ACSL3: variants seen among roughly 807,000 people sequenced by gnomAD.
ACSL3 encodes fatty acid CoA ligase Acsl3.
ACSL3 carries 34 observed loss-of-function variants against 84.7 expected under a neutral mutation model. The ratio of observed to expected loss-of-function variants is 0.40; its 90% CI spans 0.31 to 0.53. The LOEUF is 0.53. ACSL3 is among the 20% of genes least tolerant of loss of function. The probability of loss-of-function intolerance (pLI) is 0.48; values close to 1 mark genes in which losing one functional copy is unlikely to be tolerated. For synonymous variants in ACSL3, 315 were observed against 299.4 expected (o/e 1.05, Z -0.54); for missense variants, 680 against 873.1 (o/e 0.78, Z 2.79).
At chr2:222,921,130 T>G in intron 7 of ACSL3, 150 bp from the exon 8 acceptor site, 1 of 848,094 alleles carries the variant, frequency 1.2e-6, no homozygotes, top group Non-Finnish European at 2.0e-6. Context: ...CTTGATCTGT[T>G]TTGTTGATCT....
At chr2:222,880,289 G>T (rs1188755003) in intron 1 of ACSL3, among the ~76,000 whole-genome samples, 1 of 151,860 alleles carries the variant, frequency 6.6e-6, no homozygotes, top group Non-Finnish European at 1.5e-5. Context: ...ATTTTCATTG[G>T]GATTGCATTT....
At chr2:222,905,404 G>T (rs1664717608) in intron 3 of ACSL3, among the ~76,000 whole-genome samples, 1 of 152,240 alleles carries the variant, frequency 6.6e-6, no homozygotes, top group East Asian at 1.9e-4. Context: ...CAAGCAATCC[G>T]CCTGCCTTGG....
At chr2:222,932,368 G>A (rs913047741) in intron 14 of ACSL3, among the ~76,000 whole-genome samples, 7 of 152,024 alleles carry the variant, frequency 4.6e-5, no homozygotes, top group Admixed American at 6.5e-5. Flanking sequence ...TTGCTCTGTC[G>A]CCCAGGCTGG....
chr2:222,923,212 G>C, intron 10 of ACSL3, 63 bp downstream of exon 10: 3 of 1,310,264 alleles, frequency 2.3e-6, no homozygotes, highest in East Asian at 4.6e-5. Context: ...CAAAGCATTA[G>C]TGCTAGTGAA....
rs556898971 is a variant in ACSL3 at position 222,913,339 on chromosome 2, T to C, written c.379-2980T>C. On this transcript the variant is annotated intron_variant, in intron 4 of 16. Transcript: ENST00000357430. ...TGTTTGTGTATGTGTATAAAACTTA[T>C]TTTCTGATTTATTAGGACATTTGCA... Among the ~76,000 whole-genome samples the C allele has an allele frequency of 2.0e-5, 3 of 152,358 alleles. No homozygotes were observed. In the East Asian group the frequency reaches 5.8e-4, roughly 29 times the overall value.
Position 222,930,608 on chromosome 2 carries a change from A to G in ACSL3, c.1541-13A>G. 6.4e-7 allele frequency: 1 copy of G among 1,567,036 alleles called. No homozygotes were observed. Among genetic ancestry groups the G allele is most frequent in the Non-Finnish European group, 8.6e-7 (1 of 1,156,666 alleles). On this transcript the variant is annotated splice_polypyrimidine_tract_variant and intron_variant, in intron 13 of 16. Coordinates refer to ENST00000357430, the MANE Select transcript of ACSL3 (RefSeq NM_004457.5). ...ATTTAACTCAACTATTAACTCAATT[A>G]TTATTTTATTAGGTGGATACTTTAA...
chr2:222,888,690 A>G (rs1460764791), intron 2 of ACSL3, among the ~76,000 whole-genome samples: 1 of 152,234 alleles, frequency 6.6e-6, no homozygotes, highest in Admixed American at 6.5e-5. Context: ...AGGAGCATCT[A>G]AGTAAACAGG....
chr2:222,940,248 C>T (rs993901878), intron 16 of ACSL3, among the ~76,000 whole-genome samples: 5 of 152,150 alleles, frequency 3.3e-5, no homozygotes, highest in Admixed American at 6.5e-5. Flanking sequence ...TATCCTGGTT[C>T]AATGACATAA....
intron 1 of ACSL3, among the ~76,000 whole-genome samples, chr2:222,876,053 A>G (rs1574519011): frequency 1.3e-5 from 2 of 152,358 alleles, no homozygotes; most frequent in East Asian, 3.9e-4. Context: ...ATGTATGTGC[A>G]AAGTGTTTTG....
intron 1 of ACSL3, among the ~76,000 whole-genome samples, chr2:222,887,278 C>G (rs1042605363): frequency 1.3e-5 from 2 of 152,166 alleles, no homozygotes; most frequent in African/African-American, 4.8e-5. Context: ...TCAACACTGA[C>G]TCATTTTCCA....
intron 15 of ACSL3, chr2:222,933,629 G>A: frequency 5.9e-6 from 1 of 170,592 alleles, no homozygotes; most frequent in Non-Finnish European, 1.3e-5. Flanking sequence ...GAGTAAAGAA[G>A]TGGCAGTGAG....
chr2:222,920,010 T>A (rs1290009065), intron 7 of ACSL3, among the ~76,000 whole-genome samples: 1 of 152,070 alleles, frequency 6.6e-6, no homozygotes, highest in Non-Finnish European at 1.5e-5. Context: ...TACTAAGGAC[T>A]AGTCAGAGAG....
chr2:222,869,226 G>C (rs1408313703), intron 1 of ACSL3, among the ~76,000 whole-genome samples: 1 of 152,140 alleles, frequency 6.6e-6, no homozygotes, highest in Non-Finnish European at 1.5e-5. Flanking sequence ...AAGCTTCATA[G>C]GTAAATTTGA....
chr2:222,920,852 T>TA, intron 7 of ACSL3: 3 of 392,614 alleles, frequency 7.6e-6, no homozygotes, highest in South Asian at 4.1e-5. Flanking sequence ...GGTCTTTAGA[T>TA]ATGCTGAGCA....
Position 222,941,745 on chromosome 2 carries a change from C to T in ACSL3, c.*91C>T, listed in dbSNP as rs1250410843. The T allele has an allele frequency of 7.3e-7, 1 of 1,369,920 alleles. No individual in the cohort carries two copies. Among genetic ancestry groups the T allele is most frequent in the Non-Finnish European group, 9.9e-7 (1 of 1,013,402 alleles). 84.9% of individuals were successfully genotyped at this position (1,369,920 alleles called of 1,614,324 possible). ...ATGTCTCAAGCTGCAAGGCAAACTC[C>T]ATTCCTCATATTAAACTATTACTTC... On this transcript the variant is annotated 3_prime_UTR_variant, in exon 17 of 17. Transcript: ENST00000357430.
chr2:222,867,740 A>G (rs1387664322), intron 1 of ACSL3, among the ~76,000 whole-genome samples: 1 of 152,110 alleles, frequency 6.6e-6, no homozygotes. Flanking sequence ...TGTTATTACA[A>G]ACATTATTAC....
At chr2:222,934,507 C>T (rs1195783500) in intron 15 of ACSL3, 23 bp from the exon 16 acceptor site, 2 of 1,510,226 alleles carry the variant, frequency 1.3e-6, no homozygotes, top group East Asian at 4.8e-5. Context: ...TGTTCCTTAT[C>T]TGTTATCCTT....
chr2:222,879,826 A>G (rs1184260821), intron 1 of ACSL3, among the ~76,000 whole-genome samples: 2 of 152,208 alleles, frequency 1.3e-5, no homozygotes, highest in African/African-American at 4.8e-5. Context: ...GTCGTAGGCC[A>G]GGCAATGTGG....
At chr2:222,939,001 A>G (rs1484198001) in intron 16 of ACSL3, among the ~76,000 whole-genome samples, 1 of 150,900 alleles carries the variant, frequency 6.6e-6, no homozygotes, top group African/African-American at 2.4e-5. Flanking sequence ...CATTTTGTTC[A>G]TGCGTTGTTT....
Sources: allele counts gnomAD v4.1 joint callset (sites outside exome capture counted in the v4.1 genomes callset), GRCh38; gene constraint gnomAD v4.1.1; transcripts MANE v1.5; gene names NCBI Gene and HGNC (gene_info 2026-07-23, HGNC 2026-07-21).